The following PRDM16 variants were observed in gnomAD, a reference collection of about 807,000 sequenced individuals.
PRDM16 encodes the protein PR/SET domain 16, also known as histone-lysine N-methyltransferase PRDM16.
A neutral mutation model predicts 110.6 loss-of-function variants in PRDM16; 23 were observed. The ratio of observed to expected loss-of-function variants is 0.21; its 90% confidence interval spans 0.15 to 0.29. The LOEUF (loss-of-function observed/expected upper bound fraction) is 0.29. Among genes scored for constraint, PRDM16 ranks in the 10% least tolerant of loss-of-function variants. The pLI, the probability that PRDM16 is intolerant of heterozygous loss-of-function variation, is 1.00. For missense variants in PRDM16, 1,615 were observed against 1,794.3 expected, an observed-to-expected ratio of 0.90 and a Z score of 1.81; for synonymous variants, 799 against 781.8, an observed-to-expected ratio of 1.02 and a Z score of -0.37.
At chr1:3,180,889 C>T (rs1051077789) in intron 1 of PRDM16, among the ~76,000 whole-genome samples, 1 of 151,106 alleles carries the variant, frequency 6.6e-6, no homozygotes, top group Non-Finnish European at 1.5e-5. Flanking sequence ...GTCTTACACA[C>T]GGCCTCACAC....
At chr1:3,331,109 C>T (rs1191341643) in intron 3 of PRDM16, among the ~76,000 whole-genome samples, 1 of 152,240 alleles carries the variant, frequency 6.6e-6, no homozygotes, top group Non-Finnish European at 1.5e-5. Context: ...CCCACTCAGC[C>T]CTGCAAGCTG....
rs369747512 is a variant in PRDM16 at position 3,172,217 on chromosome 1, G to A, written c.38-13908G>A. Among the ~76,000 whole-genome samples the A allele has an allele frequency of 1.2e-4, 18 of 152,242 alleles. No individual in the cohort carries two copies. The East Asian group carries it at 2.3e-3, about 20-fold the overall frequency. ...CCCCACGGTCTTCCCGGTTGGATTC[G>A]TGCCTGTTTTACAGAGGAGGAGGCT... On this transcript the variant is annotated intron_variant, in intron 1 of 16. Transcript: ENST00000270722.
At chr1:3,119,954 AG>A (rs373148797) in intron 1 of PRDM16, among the ~76,000 whole-genome samples, 77 of 142,392 alleles carry the variant, frequency 5.4e-4, no homozygotes, top group African/African-American at 1.9e-3. Context: ...TGTTTCTTGG[AG>A]GGGGGAGAGA....
At chr1:3,422,108 G>C (rs1397823735) in intron 12 of PRDM16, among the ~76,000 whole-genome samples, 1 of 150,802 alleles carries the variant, frequency 6.6e-6, no homozygotes, top group Non-Finnish European at 1.5e-5. Context: ...TAGGCAGGTG[G>C]ACAGACAGAT....
Position 3,412,362 on chromosome 1 carries a change from A to G in PRDM16, c.2165A>G (p.His722Arg), listed in dbSNP as rs899744166. 6.2e-7 allele frequency: 1 copy of G among 1,613,036 alleles called. No homozygotes were observed. The highest frequency in any genetic ancestry group is 1.3e-5 in the African/African-American group (1 of 74,828). The change falls in exon 9 of 17, where the codon CAC (histidine) becomes CGC (arginine). Residue 722 changes from histidine to arginine, a missense_variant. Around this residue, in one of 5 missense-constraint regions of PRDM16, gnomAD observed 772 missense variants for 748.3 expected, o/e 1.03. Transcript: ENST00000270722. Reference protein sequence around the residue: ...QEKKLGSLPYHSAFPFQFLPN... With the variant: ...QEKKLGSLPYRSAFPFQFLPN... ...AAGAAGCTGGGCTCGCTCCCCTACC[A>G]CTCGGCGTTCCCCTTCCAGTTCCTG...
At chr1:3,172,146 C>A (rs1191138291) in intron 1 of PRDM16, among the ~76,000 whole-genome samples, 8 of 152,126 alleles carry the variant, frequency 5.3e-5, no homozygotes, top group Non-Finnish European at 1.5e-5. Context: ...AACAGAATCA[C>A]CCACTCACAT....
chr1:3,179,056 C>T (rs562269874), intron 1 of PRDM16, among the ~76,000 whole-genome samples: 2 of 152,364 alleles, frequency 1.3e-5, no homozygotes, highest in East Asian at 1.9e-4. Flanking sequence ...GCCTTGAGGC[C>T]TGATGTTACT....
chr1:3,087,703 C>A (rs1229297736), intron 1 of PRDM16, among the ~76,000 whole-genome samples: 1 of 152,074 alleles, frequency 6.6e-6, no homozygotes, highest in African/African-American at 2.4e-5. Flanking sequence ...GGCCGGTGGC[C>A]CTCGCGATGG....
At chr1:3,177,171 A>T (rs938721231) in intron 1 of PRDM16, among the ~76,000 whole-genome samples, 1 of 151,620 alleles carries the variant, frequency 6.6e-6, no homozygotes, top group Non-Finnish European at 1.5e-5. Context: ...CCATCTATTC[A>T]TCTATTCACC....
chr1:3,321,949 CATGT>C (rs1278332351), intron 3 of PRDM16, among the ~76,000 whole-genome samples: 9 of 148,942 alleles, frequency 6.0e-5, no homozygotes, highest in African/African-American at 2.2e-4. Flanking sequence ...GTTTGGCATG[CATGT>C]ATGTACATGA....
chr1:3,436,045 A>G lies in PRDM16; in HGVS notation c.*2234A>G. The G allele has an allele frequency of 4.3e-6, 1 of 230,630 alleles. No individual in the cohort carries two copies. Among genetic ancestry groups the G allele is most frequent in the Non-Finnish European group, 8.6e-6 (1 of 116,456 alleles). The allele number at this position is 230,630 out of a possible 1,614,324, so 14.3% of individuals were successfully genotyped here. A position where few individuals can be genotyped will look rare whatever the true frequency, so the allele number is the denominator to read the frequency against. On this transcript the variant is annotated 3_prime_UTR_variant, in exon 17 of 17. Coordinates refer to ENST00000270722, the MANE Select transcript of PRDM16 (RefSeq NM_022114.4). ...AGGCCTTCTCACGCGTTTCCACAAC[A>G]TCCCCTGGGTCAGACCCACCAGGTA... is the stretch of plus-strand genomic sequence containing the variant.
chr1:3,400,411 G>A (rs776734776), intron 5 of PRDM16, among the ~76,000 whole-genome samples: 3 of 152,188 alleles, frequency 2.0e-5, no homozygotes, highest in Non-Finnish European at 4.4e-5. Flanking sequence ...TGAAGAATTT[G>A]CAGGCTTGAA....
intron 1 of PRDM16, among the ~76,000 whole-genome samples, chr1:3,091,101 G>A (rs972281195): frequency 2.6e-5 from 4 of 152,196 alleles, no homozygotes; most frequent in African/African-American, 9.6e-5. Context: ...ATGCCAAGGC[G>A]CCATGAAGAG....
intron 5 of PRDM16, among the ~76,000 whole-genome samples, chr1:3,401,280 G>A (rs1643463342): frequency 6.6e-6 from 1 of 152,176 alleles, no homozygotes. Flanking sequence ...GAGGGGACAG[G>A]AAGTGACAGC....
At chr1:3,168,919 C>A (rs1250545858) in intron 1 of PRDM16, among the ~76,000 whole-genome samples, 1 of 152,222 alleles carries the variant, frequency 6.6e-6, no homozygotes, top group Non-Finnish European at 1.5e-5. Flanking sequence ...GCTGCCCACA[C>A]CCCCTCCCAC....
At chr1:3,181,184 GCAGTCTTACGGTCTTACACA>G (rs1644163507) in intron 1 of PRDM16, among the ~76,000 whole-genome samples, 1 of 123,412 alleles carries the variant, frequency 8.1e-6, no homozygotes, top group African/African-American at 3.2e-5. Context: ...TCTTACACAC[GCAGTCTTACGGTCTTACACA>G]CGGTCTTACA....
Position 3,412,646 on chromosome 1 carries a change from G to A in PRDM16, c.2449G>A (p.Gly817Ser), listed in dbSNP as rs375308440. 184 of 1,549,768 alleles carry A rather than the reference G, an allele frequency of 1.2e-4. No individual in the cohort carries two copies. In the African/African-American group the frequency reaches 2.1e-3, roughly 18 times the overall value. ...CAGCCGGGCCCGTGCCAGCCAAAAC[G>A]GCGGCGGGCGGGAGCCCCGCAAGAA... ...IGSRARASQN[G>S]GGREPRKNHV... Residue 817 changes from glycine to serine, a missense_variant, in exon 9 of 17, where the codon GGC becomes AGC. This residue lies in a region of PRDM16 where 772 missense variants were observed against 748.3 expected (regional missense o/e 1.03). Transcript: ENST00000270722.
intron 3 of PRDM16, among the ~76,000 whole-genome samples, chr1:3,374,519 C>T (rs540713407): frequency 5.3e-5 from 8 of 152,344 alleles, no homozygotes; most frequent in African/African-American, 1.9e-4. Flanking sequence ...CGGCCCCGCA[C>T]AGCAGCCACC....
At chr1:3,114,633 C>T (rs1194454399) in intron 1 of PRDM16, among the ~76,000 whole-genome samples, 2 of 151,830 alleles carry the variant, frequency 1.3e-5, no homozygotes, top group East Asian at 1.9e-4. Context: ...TGAACACACA[C>T]ATATGTGCAA....
Sources: allele counts gnomAD v4.1 joint callset (sites outside exome capture counted in the v4.1 genomes callset), GRCh38; gene constraint gnomAD v4.1.1; regional missense constraint gnomAD v4.1.1; transcripts MANE v1.5; gene names NCBI Gene and HGNC (gene_info 2026-07-23, HGNC 2026-07-21).